Variants in BRIP1 observed in about 807,000 individuals in gnomAD.
The protein encoded by BRIP1 is BRCA1 interacting DNA helicase 1.
A neutral mutation model predicts 119.7 loss-of-function variants in BRIP1; 88 were observed. That is an observed-to-expected ratio of 0.74 (90% CI 0.62 to 0.88). The LOEUF (loss-of-function observed/expected upper bound fraction) is 0.88, where lower values mean the gene tolerates loss of function less well. Ranked by LOEUF, BRIP1 falls within the 40% of genes least tolerant of loss-of-function variation. BRIP1 has a pLI of 0.00. For synonymous variants in BRIP1, 443 were observed against 496.5 expected, an observed-to-expected ratio of 0.89 and a Z score of 1.43; for missense variants, 1,259 against 1,455.4, an observed-to-expected ratio of 0.87 and a Z score of 2.20.
At chr17:61,694,959 C>T (rs1404281572) in intron 17 of BRIP1, among the ~76,000 whole-genome samples, 1 of 149,668 alleles carries the variant, frequency 6.7e-6, no homozygotes, top group Non-Finnish European at 1.5e-5. Context: ...ATATTTTCTC[C>T]ATATGTGAGT....
In BRIP1 at chr17:61,775,585, GA is replaced by G. The variant is rs1567807963; in HGVS notation, c.2097+815del. Among the ~76,000 whole-genome samples the G allele has an allele frequency of 6.6e-6, 1 of 152,026 alleles. No homozygotes were observed. The highest frequency in any genetic ancestry group is 2.4e-5 in the African/African-American group (1 of 41,400). ...GTGGTTTCAATGCTTTGAATGTTAG[GA>G]GGACCAAAATATACTAAATAATTTC... On this transcript the variant is annotated intron_variant, in intron 14 of 19. Transcript: ENST00000259008. The surrounding 1 kb of genome is among the most constrained non-coding windows in gnomAD (Gnocchi z 4.4).
At chr17:61,777,518 GCA>G (rs1253516786) in intron 13 of BRIP1, among the ~76,000 whole-genome samples, 22 of 152,194 alleles carry the variant, frequency 1.4e-4, no homozygotes, top group African/African-American at 4.8e-4. Context: ...GTTTTTACTT[GCA>G]CTTCTGACTG....
intron 17 of BRIP1, among the ~76,000 whole-genome samples, chr17:61,712,858 T>C (rs775007635): frequency 1.8e-4 from 27 of 151,348 alleles, no homozygotes; most frequent in Non-Finnish European, 3.4e-4. Flanking sequence ...GAGCTGAGAT[T>C]GTGCCACTGC....
intron 14 of BRIP1, among the ~76,000 whole-genome samples, chr17:61,765,383 A>C (rs1218554159): frequency 2.6e-4 from 6 of 22,836 alleles, no homozygotes; most frequent in Admixed American, 9.5e-4. Flanking sequence ...TATATATTAT[A>C]TATATATATA....
At chr17:61,811,120 G>A (rs1190414303) in intron 6 of BRIP1, among the ~76,000 whole-genome samples, 1 of 151,972 alleles carries the variant, frequency 6.6e-6, no homozygotes, top group Non-Finnish European at 1.5e-5. Flanking sequence ...TATATTAAAT[G>A]TTTTTGTTTG....
intron 14 of BRIP1, among the ~76,000 whole-genome samples, chr17:61,766,933 C>G (rs957817908): frequency 1.3e-5 from 2 of 151,974 alleles, no homozygotes; most frequent in African/African-American, 4.8e-5. Flanking sequence ...CTCTTCTACC[C>G]ATAAAAATGA....
rs752620850 is a variant in BRIP1, at chr17:61,843,771, T to C, written c.627+3330A>G. ...AGAACTGTGAGTGAAAATAAACCTCTTTTCTTTATAAATTGCCCAGCCTCT... is the reference window on the plus strand; with the variant it reads ...AGAACTGTGAGTGAAAATAAACCTCCTTTCTTTATAAATTGCCCAGCCTCT... On this transcript the variant is annotated intron_variant, in intron 6 of 19. Transcript: ENST00000259008. The surrounding 1 kb of genome is among the most constrained non-coding windows in gnomAD (Gnocchi z 5.7). Among the ~76,000 whole-genome samples the C allele has an allele frequency of 5.3e-5, 8 of 152,164 alleles. No homozygotes were observed. Among genetic ancestry groups the C allele is most frequent in the Admixed American group, 5.2e-4 (8 of 15,272 alleles).
At chr17:61,721,626 G>A (rs2144473384) in intron 16 of BRIP1, among the ~76,000 whole-genome samples, 1 of 148,026 alleles carries the variant, frequency 6.8e-6, no homozygotes, top group South Asian at 2.1e-4. Context: ...AAAAGAATCT[G>A]TCAAATTTCT....
At chr17:61,766,030 T>A (rs1187773707) in intron 14 of BRIP1, among the ~76,000 whole-genome samples, 1 of 152,144 alleles carries the variant, frequency 6.6e-6, no homozygotes, top group Non-Finnish European at 1.5e-5. Context: ...AACATAAATA[T>A]AGGTATACCA....
chr17:61,686,013 C>G lies in BRIP1; in HGVS notation c.2728G>C (p.Glu910Gln), dbSNP rs1007808618. ...GTACTGTACTTTAAAGAGGTCACTT[C>G]AAGTGTAGACTCATTGTCCTGTATA... ...TNIQDNESTL[E>Q]VTSLKYSTSP... Residue 910 changes from glutamate (E) to glutamine (Q), a missense_variant, in exon 19 of 20, where the codon GAA becomes CAA. Around this residue, in one of 3 missense-constraint regions of BRIP1, gnomAD observed 753 missense variants for 891.8 expected, o/e 0.84. Transcript: ENST00000259008. The surrounding 1 kb of genome is among the most constrained non-coding windows in gnomAD (Gnocchi z 5.4). The G allele has an allele frequency of 2.5e-6, 4 of 1,614,018 alleles. No individual in the cohort carries two copies. The highest frequency in any genetic ancestry group is 3.4e-6 in the Non-Finnish European group (4 of 1,179,932).
intron 6 of BRIP1, among the ~76,000 whole-genome samples, chr17:61,838,659 GT>G (rs1371263078): frequency 6.6e-6 from 1 of 151,488 alleles, no homozygotes; most frequent in Non-Finnish European, 1.5e-5. Context: ...TCACAAAAAA[GT>G]TACTTACCCA....
chr17:61,719,975 T>A (rs2061946450), intron 16 of BRIP1, among the ~76,000 whole-genome samples: 1 of 151,898 alleles, frequency 6.6e-6, no homozygotes. Flanking sequence ...ACTACAGGTG[T>A]GTGCTGCCAT....
Position 61,798,846 on chromosome 17 carries a change from A to G in BRIP1, c.1340+254T>C, listed in dbSNP as rs957354064. On this transcript the variant is annotated intron_variant, in intron 9 of 19. Transcript: ENST00000259008. The surrounding 1 kb of genome is among the most constrained non-coding windows in gnomAD (Gnocchi z 5.5). ...TATCCTAGACACATCCTTCGGGGCT[A>G]TTATGTTATCCTGCCAAATTAGGAA... Among the ~76,000 whole-genome samples, 7 of 152,100 alleles carry G rather than the reference A, an allele frequency of 4.6e-5. No homozygotes were observed. Among genetic ancestry groups the G allele is most frequent in the Non-Finnish European group, 1.0e-4 (7 of 67,972 alleles).
intron 19 of BRIP1, chr17:61,685,476 A>T (rs375098011): frequency 3.7e-6 from 1 of 272,870 alleles, no homozygotes. Context: ...TACCACTTAC[A>T]TGGTACTTTA....
intron 10 of BRIP1, among the ~76,000 whole-genome samples, chr17:61,786,961 AT>A (rs2077725702): frequency 1.2e-5 from 1 of 82,592 alleles, no homozygotes; most frequent in African/African-American, 5.6e-5. Flanking sequence ...ATATATTTAT[AT>A]TATATTTATA....
chr17:61,755,937 A>G lies in BRIP1; in HGVS notation c.2098-11346T>C, dbSNP rs1470223517. On this transcript the variant is annotated intron_variant, in intron 14 of 19. Transcript: ENST00000259008. This position sits in a 1 kb window ranked among gnomAD's most constrained non-coding sequence, Gnocchi z 4.5. ...AGAGCTATGAGGAACACTTCATAAAAGGGAGAATTTGGTGACTATGACACA... is the reference window on the plus strand; with the variant it reads ...AGAGCTATGAGGAACACTTCATAAAGGGGAGAATTTGGTGACTATGACACA... 6.6e-6 allele frequency among the ~76,000 whole-genome samples: 1 copy of G among 152,226 alleles called. No homozygotes were observed. Among genetic ancestry groups the G allele is most frequent in the African/African-American group, 2.4e-5 (1 of 41,462 alleles).
In BRIP1 at chr17:61,705,651, G is replaced by A. The variant is rs1250130441; in HGVS notation, c.2492+10300C>T. On this transcript the variant is annotated intron_variant, in intron 17 of 19. Transcript: ENST00000259008. The surrounding 1 kb of genome is among the most constrained non-coding windows in gnomAD (Gnocchi z 5.0). ...TCATAAGGTAGAAACTAAGATCAAT[G>A]ATTTGAGGATGTTTTTTCCTAAAAT... Among the ~76,000 whole-genome samples the A allele has an allele frequency of 6.6e-6, 1 of 152,028 alleles. No homozygotes were observed. The highest frequency in any genetic ancestry group is 2.4e-5 in the African/African-American group (1 of 41,402).
rs1173714479 is a variant in BRIP1 at position 61,787,441 on chromosome 17, T to TAC, written c.1474-3018_1474-3017insGT. On this transcript the variant is annotated intron_variant, in intron 10 of 19. Transcript: ENST00000259008. The stretch of plus-strand genomic sequence containing the variant: ...TATAAAATATATAATATATATACTA[T>TAC]ATATTATATATAAATATATAATATA... 1.7e-4 allele frequency among the ~76,000 whole-genome samples: 22 copies of TAC among 131,114 alleles called. 1 individual carries two copies. Among genetic ancestry groups the TAC allele is most frequent in the Non-Finnish European group, 3.2e-4 (20 of 62,904 alleles). 86.0% of individuals were successfully genotyped at this position (131,114 alleles called of 152,430 possible). A position where few individuals can be genotyped will look rare whatever the true frequency, so the allele number is the denominator to read the frequency against.
Position 61,708,054 on chromosome 17 carries a change from C to T in BRIP1, c.2492+7897G>A, listed in dbSNP as rs184708040. Among the ~76,000 whole-genome samples, 6 of 152,046 alleles carry T rather than the reference C, an allele frequency of 3.9e-5. No individual in the cohort carries two copies. Among genetic ancestry groups the T allele is most frequent in the Admixed American group, 3.9e-4 (6 of 15,270 alleles). On this transcript the variant is annotated intron_variant, in intron 17 of 19. Transcript: ENST00000259008. This position sits in a 1 kb window ranked among gnomAD's most constrained non-coding sequence, Gnocchi z 4.4. ...TAGAGATGGGGTTTCACCATGTTGG[C>T]CAGGCTGGTCTCAAACTGCTGACCT...
Sources: allele counts gnomAD v4.1 joint callset (sites outside exome capture counted in the v4.1 genomes callset), GRCh38; gene constraint gnomAD v4.1.1; regional missense constraint gnomAD v4.1.1; non-coding constraint Gnocchi (gnomAD v3.1); transcripts MANE v1.5; gene names NCBI Gene and HGNC (gene_info 2026-07-23, HGNC 2026-07-21).